The following YAP1 variants were observed in gnomAD, a reference collection of about 807,000 sequenced individuals.
YAP1 encodes the protein Yes1 associated transcriptional regulator.
Under a neutral mutation model 56.9 loss-of-function variants are expected in YAP1, and 5 were observed. The ratio of observed to expected loss-of-function variants is 0.09; its 90% CI spans 0.05 to 0.18. YAP1 has a LOEUF of 0.18. Among genes scored for constraint, YAP1 ranks in the 10% least tolerant of loss-of-function variants. The pLI, the probability that YAP1 is intolerant of heterozygous loss-of-function variation, is 1.00. For missense variants in YAP1, 539 were observed against 651.8 expected (o/e 0.83, Z 1.88); for synonymous variants, 265 against 248.1 (o/e 1.07, Z -0.64).
At chr11:102,154,275 C>T (rs888572156) in intron 2 of YAP1, among the ~76,000 whole-genome samples, 2 of 152,116 alleles carry the variant, frequency 1.3e-5, no homozygotes, top group Non-Finnish European at 2.9e-5. Flanking sequence ...TTTAAAATAT[C>T]TTTATATGAT....
At position 102,206,037 on chromosome 11, in the gene YAP1, A is replaced by G. The variant is rs1949103754; in HGVS notation, c.947A>G (p.Glu316Gly). ...CTGCAGCAACTGCAGATGGAGAAGG[A>G]GAGGCTGCGGCTGAAACAGCAAGAA... Reference protein sequence around the residue: ...MRLQQLQMEKERLRLKQQELL... With the variant: ...MRLQQLQMEKGRLRLKQQELL... Residue 316 changes from glutamate (E) to glycine (G), a missense_variant, in exon 5 of 9, where the codon GAG becomes GGG. This residue lies in a region of YAP1 where 414 missense variants were observed against 512.4 expected (regional missense o/e 0.81). Transcript: ENST00000282441. 4 of 1,614,032 alleles carry G rather than the reference A, an allele frequency of 2.5e-6. No individual in the cohort carries two copies. The highest frequency in any genetic ancestry group is 3.4e-6 in the Non-Finnish European group (4 of 1,179,960).
intron 4 of YAP1, among the ~76,000 whole-genome samples, chr11:102,203,300 G>A (rs180759658): frequency 3.3e-5 from 5 of 152,266 alleles, no homozygotes; most frequent in Non-Finnish European, 7.4e-5. Flanking sequence ...TACAATGTAT[G>A]GACCTTGTTT....
intron 6 of YAP1, among the ~76,000 whole-genome samples, chr11:102,222,169 A>G (rs999480625): frequency 6.6e-6 from 1 of 152,166 alleles, no homozygotes; most frequent in African/African-American, 2.4e-5. Context: ...TGTGGAGGTG[A>G]GGGCTGGAGA....
intron 5 of YAP1, 134 bp downstream of exon 5, chr11:102,206,208 CT>C: frequency 1.9e-6 from 2 of 1,039,554 alleles, no homozygotes; most frequent in Non-Finnish European, 2.7e-6. Flanking sequence ...CAGAAGCATT[CT>C]ATCCAGCCCT....
chr11:102,146,850 T>C (rs1199387296), intron 2 of YAP1, among the ~76,000 whole-genome samples: 1 of 152,162 alleles, frequency 6.6e-6, no homozygotes, highest in Non-Finnish European at 1.5e-5. Context: ...GCACGACAAC[T>C]AATAATTTGT....
intron 6 of YAP1, among the ~76,000 whole-genome samples, chr11:102,214,239 A>G (rs981303829): frequency 7.9e-5 from 12 of 152,204 alleles, no homozygotes; most frequent in South Asian, 2.1e-4. Context: ...TTCAATCTGT[A>G]TAGAAATTAC....
intron 3 of YAP1, among the ~76,000 whole-genome samples, chr11:102,174,991 G>A (rs1442829145): frequency 6.6e-6 from 1 of 152,130 alleles, no homozygotes; most frequent in East Asian, 1.9e-4. Context: ...GAAGGGGCTT[G>A]GATTCATCAG....
At chr11:102,120,807 A>T (rs1289134764) in intron 2 of YAP1, among the ~76,000 whole-genome samples, 1 of 152,234 alleles carries the variant, frequency 6.6e-6, no homozygotes, top group Non-Finnish European at 1.5e-5. Flanking sequence ...TGTGCTTGTT[A>T]AAGTGTTACT....
chr11:102,165,867 T>C (rs532895924), intron 3 of YAP1, among the ~76,000 whole-genome samples: 20 of 152,318 alleles, frequency 1.3e-4, no homozygotes, highest in African/African-American at 4.8e-4. Context: ...TATTTTTAAA[T>C]ACTATTAATA....
At chr11:102,152,111 C>T (rs1438233890) in intron 2 of YAP1, among the ~76,000 whole-genome samples, 4 of 152,142 alleles carry the variant, frequency 2.6e-5, no homozygotes, top group Non-Finnish European at 5.9e-5. Flanking sequence ...CCTGGGAGTC[C>T]AAATGAAGAG....
At chr11:102,184,242 C>A (rs904816403) in intron 3 of YAP1, among the ~76,000 whole-genome samples, 9 of 152,066 alleles carry the variant, frequency 5.9e-5, no homozygotes, top group African/African-American at 2.2e-4. Flanking sequence ...TTTGCAAAAG[C>A]TTTTTATAAT....
chr11:102,118,989 A>C (rs1943483098), intron 2 of YAP1, among the ~76,000 whole-genome samples: 1 of 152,024 alleles, frequency 6.6e-6, no homozygotes, highest in African/African-American at 2.4e-5. Flanking sequence ...GTTAAGTTGC[A>C]CACGTGCACA....
chr11:102,195,162 G>A (rs1248201627), intron 4 of YAP1, among the ~76,000 whole-genome samples: 3 of 152,198 alleles, frequency 2.0e-5, no homozygotes, highest in Admixed American at 2.0e-4. Context: ...GACAAAGAGA[G>A]CTGAAAGCTA....
At chr11:102,136,748 A>G (rs1801864882) in intron 2 of YAP1, among the ~76,000 whole-genome samples, 2 of 151,986 alleles carry the variant, frequency 1.3e-5, no homozygotes, top group Admixed American at 1.3e-4. Flanking sequence ...TCTCAGATGG[A>G]TATCCAGTTT....
At position 102,172,407 on chromosome 11, in the gene YAP1, G is replaced by A. The variant is rs576361789; in HGVS notation, c.688+9836G>A. On this transcript the variant is annotated intron_variant, in intron 3 of 8. Transcript: ENST00000282441. ...GCTCATTGCAGCTTCAACTTCACGG[G>A]CTCAAGTGATTCTCATGCCTCAGCC... Among the ~76,000 whole-genome samples the A allele has an allele frequency of 4.1e-5, 6 of 147,002 alleles. No homozygotes were observed. In the East Asian group the frequency reaches 1.2e-3, roughly 30 times the overall value.
At chr11:102,185,897 A>G in intron 3 of YAP1, 121 bp from the exon 4 acceptor site, 1 of 997,610 alleles carries the variant, frequency 1.0e-6, no homozygotes, top group Non-Finnish European at 1.4e-6. Context: ...AGCCTTAAAT[A>G]TGTTTCAATG....
intron 4 of YAP1, among the ~76,000 whole-genome samples, chr11:102,198,655 C>A (rs58397810): frequency 0.034 from 5,230 of 152,052 alleles, 309 homozygotes; most frequent in African/African-American, 0.12. Flanking sequence ...TTGCTTGGAA[C>A]CAAAAACACT....
chr11:102,135,888 T>G (rs1156360151), intron 2 of YAP1, among the ~76,000 whole-genome samples: 1 of 152,208 alleles, frequency 6.6e-6, no homozygotes, highest in Non-Finnish European at 1.5e-5. Flanking sequence ...TATAGTTCAT[T>G]TTTATTGCTG....
At chr11:102,146,148 A>G (rs1337226169) in intron 2 of YAP1, among the ~76,000 whole-genome samples, 1 of 152,148 alleles carries the variant, frequency 6.6e-6, no homozygotes, top group Non-Finnish European at 1.5e-5. Flanking sequence ...GCCTGGCCCC[A>G]TATCACCTTT....
Sources: allele counts gnomAD v4.1 joint callset (sites outside exome capture counted in the v4.1 genomes callset), GRCh38; gene constraint gnomAD v4.1.1; regional missense constraint gnomAD v4.1.1; transcripts MANE v1.5; gene names NCBI Gene and HGNC (gene_info 2026-07-23, HGNC 2026-07-21).